DAGLB: variants seen among roughly 807,000 people sequenced by gnomAD.
The protein encoded by DAGLB is diacylglycerol lipase beta.
Under a neutral mutation model 72.1 loss-of-function variants are expected in DAGLB, and 66 were observed. The observed-to-expected ratio is 0.92, with a 90% CI of 0.75 to 1.12. The LOEUF (loss-of-function observed/expected upper bound fraction) is 1.12, where lower values mean the gene tolerates loss of function less well. Ranked by LOEUF, DAGLB falls within the 50% of genes most tolerant of loss-of-function variation. The pLI is 0.00. For synonymous variants in DAGLB, 414 were observed against 359.5 expected (o/e 1.15, Z -1.71); for missense variants, 1,065 against 884.9 (o/e 1.20, Z -2.58).
At chr7:6,414,131 C>T (rs1783825623) in intron 11 of DAGLB, among the ~76,000 whole-genome samples, 1 of 152,096 alleles carries the variant, frequency 6.6e-6, no homozygotes, top group Admixed American at 6.6e-5. Flanking sequence ...CTGCCTCAGC[C>T]TCCCAAGCAG....
intron 1 of DAGLB, 133 bp from the exon 2 acceptor site, chr7:6,446,237 G>A: frequency 2.5e-6 from 2 of 808,634 alleles, no homozygotes; most frequent in Non-Finnish European, 3.5e-6. Flanking sequence ...GGGAGGGTGA[G>A]GTGGGCGGAT....
intron 8 of DAGLB, 72 bp downstream of exon 8, chr7:6,424,680 C>T (rs1784245859): frequency 6.9e-7 from 1 of 1,458,478 alleles, no homozygotes; most frequent in South Asian, 1.1e-5. Context: ...GACGGATTTC[C>T]CCAGCCGAGC....
intron 2 of DAGLB, among the ~76,000 whole-genome samples, chr7:6,441,013 T>C (rs1784813151): frequency 6.6e-6 from 1 of 152,104 alleles, no homozygotes; most frequent in African/African-American, 2.4e-5. Flanking sequence ...GTGCTGGGGT[T>C]ACAGGCATGA....
chr7:6,445,053 C>T (rs1001280786), intron 2 of DAGLB, among the ~76,000 whole-genome samples: 3 of 152,202 alleles, frequency 2.0e-5, no homozygotes, highest in African/African-American at 7.2e-5. Flanking sequence ...AATGGTACAG[C>T]TGCTTGGAAA....
intron 13 of DAGLB, among the ~76,000 whole-genome samples, chr7:6,410,888 T>A (rs1402243112): frequency 6.9e-6 from 1 of 144,514 alleles, no homozygotes; most frequent in Non-Finnish European, 1.5e-5. Flanking sequence ...GTATTTTTTT[T>A]TTTTTTTTTT....
chr7:6,416,519 G>T lies in DAGLB; in HGVS notation c.1427+108C>A, dbSNP rs184776111. The T allele has an allele frequency of 2.2e-5, 33 of 1,484,552 alleles. No individual in the cohort carries two copies. The South Asian group carries it at 4.4e-4, about 20-fold the overall frequency. 92.0% of individuals were successfully genotyped at this position (1,484,552 alleles called of 1,614,324 possible). A position where few individuals can be genotyped will look rare whatever the true frequency, so the allele number is the denominator to read the frequency against. The stretch of plus-strand genomic sequence containing the variant: ...GATCACGCCACTGCACTCCAGCCTG[G>T]GCGACAGAGCAAGACTTCATCTCAG... On this transcript the variant is annotated intron_variant, in intron 11 of 14. Coordinates refer to ENST00000297056, the MANE Select transcript of DAGLB (RefSeq NM_139179.4).
intron 9 of DAGLB, among the ~76,000 whole-genome samples, chr7:6,418,295 G>A (rs985565394): frequency 1.3e-5 from 2 of 152,102 alleles, no homozygotes; most frequent in African/African-American, 2.4e-5. Flanking sequence ...CTTGAGCCCA[G>A]GAGTTCAAGG....
At chr7:6,421,235 C>T (rs1232253946) in intron 9 of DAGLB, among the ~76,000 whole-genome samples, 6 of 152,216 alleles carry the variant, frequency 3.9e-5, no homozygotes, top group Non-Finnish European at 5.9e-5. Flanking sequence ...GCAAGGCACT[C>T]GCTCTCTCTG....
At chr7:6,446,782 G>T (rs1785020649) in intron 1 of DAGLB, among the ~76,000 whole-genome samples, 1 of 152,202 alleles carries the variant, frequency 6.6e-6, no homozygotes, top group East Asian at 2.0e-4. Flanking sequence ...GCCAAGGCAG[G>T]AGGATCACTT....
chr7:6,446,417 G>A (rs563754541), intron 1 of DAGLB, among the ~76,000 whole-genome samples: 1 of 145,102 alleles, frequency 6.9e-6, no homozygotes, highest in African/African-American at 2.6e-5. Context: ...CGTGGAGGTG[G>A]CAGTGAGCCG....
At chr7:6,427,212 T>C (rs1784342296) in intron 6 of DAGLB, among the ~76,000 whole-genome samples, 1 of 152,164 alleles carries the variant, frequency 6.6e-6, no homozygotes, top group African/African-American at 2.4e-5. Flanking sequence ...GTAGTGGAAC[T>C]GGGTATAGCA....
intron 8 of DAGLB, among the ~76,000 whole-genome samples, chr7:6,423,479 A>C (rs1415579271): frequency 1.3e-5 from 2 of 152,126 alleles, no homozygotes; most frequent in African/African-American, 4.8e-5. Context: ...GCTGGAGTGC[A>C]ATGGCGCAAT....
At chr7:6,436,297 T>C (rs1784654853) in intron 3 of DAGLB, 65 bp downstream of exon 3, 8 of 1,545,256 alleles carry the variant, frequency 5.2e-6, no homozygotes, top group Admixed American at 4.4e-5. Context: ...TCTGTCATGT[T>C]AGAAGGGTTT....
At position 6,430,489 on chromosome 7, in the gene DAGLB, C is replaced by A. The variant is rs750714669; in HGVS notation, c.920G>T (p.Gly307Val). The A allele has an allele frequency of 6.4e-7, 1 of 1,562,214 alleles. No individual in the cohort carries two copies. Among genetic ancestry groups the A allele is most frequent in the Admixed American group, 1.8e-5 (1 of 55,290 alleles). The change falls in exon 6 of 15, where the codon GGT becomes GTT. Residue 307 changes from glycine (G) to valine (V), a missense_variant. By Grantham distance (109) the Gly-to-Val change is moderately radical. Transcript: ENST00000297056. ...GACTGTGCCAACCCACCAGTCACCA[C>A]CAATCCTGCACAGCCCCGTGAGGGG... is the stretch of plus-strand genomic sequence containing the variant. The part of the protein sequence containing the change: ...RNPLTGLCRI[G>V]GDCCRSRTTD...
chr7:6,412,869 T>G lies in DAGLB; in HGVS notation c.1511A>C (p.Asn504Thr). 2 of 1,608,290 alleles carry G rather than the reference T, an allele frequency of 1.2e-6. No homozygotes were observed. The highest frequency in any genetic ancestry group is 1.7e-6 in the Non-Finnish European group (2 of 1,176,898). ...KDVIPRLSVTNLEDLKRRILR... is the reference protein window; with the variant it reads ...KDVIPRLSVTTLEDLKRRILR... Reference sequence around the variant, plus strand: ...GATTCTTCTCTTCAGATCTTCCAAGTTGGTCACACTGAGCCTGTTTAGCAA... The same window carrying G: ...GATTCTTCTCTTCAGATCTTCCAAGGTGGTCACACTGAGCCTGTTTAGCAA... The change falls in exon 13 of 15, where the codon AAC becomes ACC. Residue 504 changes from asparagine to threonine, a missense_variant. Asn to Thr is a moderately conservative substitution (Grantham distance 65, BLOSUM62 0). Transcript: ENST00000297056.
intron 2 of DAGLB, among the ~76,000 whole-genome samples, chr7:6,437,622 G>T (rs781059269): frequency 4.0e-5 from 6 of 151,784 alleles, no homozygotes; most frequent in Middle Eastern, 3.2e-3. Context: ...ATAGACAGTT[G>T]TTTTTTTGTG....
chr7:6,414,938 G>A (rs1783854625), intron 11 of DAGLB, among the ~76,000 whole-genome samples: 1 of 152,020 alleles, frequency 6.6e-6, no homozygotes, highest in Admixed American at 6.6e-5. Flanking sequence ...GGAGGGTGAG[G>A]CAGGAGGATC....
chr7:6,432,346 T>C (rs1449628757), intron 5 of DAGLB, among the ~76,000 whole-genome samples: 1 of 144,632 alleles, frequency 6.9e-6, no homozygotes, highest in Non-Finnish European at 1.5e-5. Context: ...CTCCATCTCA[T>C]AAAAAGAAAA....
intron 6 of DAGLB, among the ~76,000 whole-genome samples, chr7:6,426,467 G>A (rs541370793): frequency 2.6e-5 from 4 of 152,072 alleles, no homozygotes; most frequent in Admixed American, 6.5e-5. Flanking sequence ...ATAGAGTTTC[G>A]CCATGTTGGC....
Sources: allele counts gnomAD v4.1 joint callset (sites outside exome capture counted in the v4.1 genomes callset), GRCh38; gene constraint gnomAD v4.1.1; transcripts MANE v1.5; gene names NCBI Gene and HGNC (gene_info 2026-07-23, HGNC 2026-07-21).